HS3ST3B1: variants seen among roughly 807,000 people sequenced by gnomAD.
HS3ST3B1 encodes the protein heparan sulfate-glucosamine 3-sulfotransferase 3B1.
Under a neutral mutation model 21.3 loss-of-function variants are expected in HS3ST3B1, and 13 were observed. The observed-to-expected ratio is 0.61, with a 90% CI of 0.40 to 0.97. The LOEUF (loss-of-function observed/expected upper bound fraction) is 0.97, where lower values mean the gene tolerates loss of function less well. HS3ST3B1 is among the 50% of genes least tolerant of loss of function. HS3ST3B1 has a pLI of 0.00. For synonymous variants in HS3ST3B1, 234 were observed against 254.8 expected (o/e 0.92, Z 0.78); for missense variants, 459 against 554.8 (o/e 0.83, Z 1.73).
At chr17:14,310,540 T>TGAGA (rs1909273564) in intron 1 of HS3ST3B1, among the ~76,000 whole-genome samples, 1 of 152,194 alleles carries the variant, frequency 6.6e-6, no homozygotes, top group African/African-American at 2.4e-5. Flanking sequence ...ACGTTGAACA[T>TGAGA]CGTTGCATGA....
chr17:14,312,152 C>G (rs932808005), intron 1 of HS3ST3B1, among the ~76,000 whole-genome samples: 1 of 152,040 alleles, frequency 6.6e-6, no homozygotes. Context: ...TGTGTGCAGG[C>G]GAGTGGGCCA....
intron 1 of HS3ST3B1, 21 bp downstream of exon 1, chr17:14,302,093 C>A: frequency 6.3e-7 from 1 of 1,577,782 alleles, no homozygotes; most frequent in South Asian, 1.1e-5. Context: ...CTGCCAGGGG[C>A]AGGGTCTCCA....
intron 1 of HS3ST3B1, among the ~76,000 whole-genome samples, chr17:14,339,268 T>C (rs542303801): frequency 6.6e-6 from 1 of 152,230 alleles, no homozygotes; most frequent in East Asian, 1.9e-4. Flanking sequence ...AACAATGGGA[T>C]CATGTAAACC....
At chr17:14,340,333 G>A (rs1308270663) in intron 1 of HS3ST3B1, among the ~76,000 whole-genome samples, 1 of 152,072 alleles carries the variant, frequency 6.6e-6, no homozygotes, top group Non-Finnish European at 1.5e-5. Flanking sequence ...AGTCTTCAGG[G>A]AGAGTCCTAT....
At chr17:14,343,092 A>AT (rs746175964) in intron 1 of HS3ST3B1, among the ~76,000 whole-genome samples, 52 of 152,256 alleles carry the variant, frequency 3.4e-4, no homozygotes, top group Admixed American at 7.2e-4. Flanking sequence ...AAATACAAAA[A>AT]TTAGCCAGGT....
Position 14,347,769 on chromosome 17 carries a change from C to G in HS3ST3B1, c.*2123C>G, listed in dbSNP as rs1326940496. On this transcript the variant is annotated 3_prime_UTR_variant, in exon 2 of 2. Coordinates refer to ENST00000360954, the MANE Select transcript of HS3ST3B1 (RefSeq NM_006041.3). ...GTTTTGGAGGAAGCTCATGGGGGAT[C>G]TGTGTATTTCTTAGGTTTCTCCCTG... 6.6e-6 allele frequency: 1 copy of G among 152,134 alleles called. No homozygotes were observed. The highest frequency in any genetic ancestry group is 6.6e-5 in the Admixed American group (1 of 15,256). 9.4% of individuals were successfully genotyped at this position (152,134 alleles called of 1,614,324 possible). A position where few individuals can be genotyped will look rare whatever the true frequency, so the allele number is the denominator to read the frequency against.
intron 1 of HS3ST3B1, among the ~76,000 whole-genome samples, chr17:14,302,273 C>A (rs1401968862): frequency 6.6e-6 from 1 of 152,200 alleles, no homozygotes; most frequent in Non-Finnish European, 1.5e-5. Flanking sequence ...TCACAACCCA[C>A]AGAAAGTTCT....
At chr17:14,325,641 C>T (rs957429893) in intron 1 of HS3ST3B1, among the ~76,000 whole-genome samples, 3 of 152,212 alleles carry the variant, frequency 2.0e-5, no homozygotes, top group Non-Finnish European at 4.4e-5. Flanking sequence ...GCAAGTTTTC[C>T]ACTGGAGACA....
At chr17:14,343,933 G>C (rs1910470893) in intron 1 of HS3ST3B1, among the ~76,000 whole-genome samples, 1 of 135,388 alleles carries the variant, frequency 7.4e-6, no homozygotes, top group Non-Finnish European at 1.6e-5. Context: ...TTTCCCTCTT[G>C]TTGCCCAGGC....
intron 1 of HS3ST3B1, among the ~76,000 whole-genome samples, chr17:14,302,343 C>T (rs117037476): frequency 0.013 from 2,001 of 152,276 alleles, 20 homozygotes; most frequent in South Asian, 0.023. Flanking sequence ...AGAAGGGCAG[C>T]GACTGAGACC....
chr17:14,302,516 G>A (rs1908970128), intron 1 of HS3ST3B1, among the ~76,000 whole-genome samples: 1 of 152,182 alleles, frequency 6.6e-6, no homozygotes, highest in Non-Finnish European at 1.5e-5. Context: ...AGCAGCTTCT[G>A]CTTCCCAGAT....
chr17:14,312,349 T>C (rs1909333154), intron 1 of HS3ST3B1, among the ~76,000 whole-genome samples: 1 of 152,206 alleles, frequency 6.6e-6, no homozygotes, highest in East Asian at 1.9e-4. Flanking sequence ...ACTTGGAGGC[T>C]GTCTACCTGC....
At chr17:14,319,932 C>T (rs527680265) in intron 1 of HS3ST3B1, among the ~76,000 whole-genome samples, 1 of 152,050 alleles carries the variant, frequency 6.6e-6, no homozygotes, top group South Asian at 2.1e-4. Context: ...CACCACCCTC[C>T]CCCCGAGTCC....
rs757580615 is a variant in HS3ST3B1 at position 14,301,329 on chromosome 17, C to G, written c.-190C>G. On this transcript the variant is annotated 5_prime_UTR_variant, in exon 1 of 2. Coordinates refer to ENST00000360954, the MANE Select transcript of HS3ST3B1 (RefSeq NM_006041.3). ...TCCTGCCGGGCAACATGTCAAGAGC[C>G]GCCGCCGCTACAGCTGCCGCCGCCA... The G allele has an allele frequency of 2.0e-6, 1 of 510,406 alleles. No individual in the cohort carries two copies. Among genetic ancestry groups the G allele is most frequent in the East Asian group, 3.5e-5 (1 of 28,720 alleles). 31.6% of individuals were successfully genotyped at this position (510,406 alleles called of 1,614,324 possible).
intron 1 of HS3ST3B1, among the ~76,000 whole-genome samples, chr17:14,318,035 A>G (rs917860149): frequency 2.0e-5 from 3 of 152,144 alleles, no homozygotes; most frequent in Admixed American, 6.6e-5. Flanking sequence ...TGGCTGGGAC[A>G]TGCTTCCTCA....
chr17:14,312,661 A>G (rs1347214410), intron 1 of HS3ST3B1, among the ~76,000 whole-genome samples: 2 of 151,758 alleles, frequency 1.3e-5, no homozygotes, highest in East Asian at 3.9e-4. Context: ...CCCTTCTCTG[A>G]CCGAGGCCTG....
intron 1 of HS3ST3B1, among the ~76,000 whole-genome samples, chr17:14,335,486 G>A (rs1278944053): frequency 1.3e-5 from 2 of 152,196 alleles, no homozygotes; most frequent in Non-Finnish European, 2.9e-5. Flanking sequence ...GTTGAGGTCA[G>A]GAGTTCGACA....
intron 1 of HS3ST3B1, among the ~76,000 whole-genome samples, chr17:14,341,107 G>A (rs539673702): frequency 1.2e-4 from 18 of 152,308 alleles, no homozygotes; most frequent in Admixed American, 9.2e-4. Context: ...ACGGCTCAGG[G>A]AATCTTTATT....
chr17:14,331,060 T>A (rs908245992), intron 1 of HS3ST3B1, among the ~76,000 whole-genome samples: 50 of 152,216 alleles, frequency 3.3e-4, no homozygotes, highest in African/African-American at 1.2e-3. Flanking sequence ...AGCACTGATT[T>A]TACTTTCTAA....
Sources: gnomAD v4.1 joint callset for allele counts (sites outside exome capture counted in the v4.1 genomes callset) on GRCh38, gnomAD v4.1.1 for gene constraint, MANE v1.5 for transcripts, NCBI Gene and HGNC (gene_info 2026-07-23, HGNC 2026-07-21) for gene names.